The following IFT81 variants were observed in gnomAD, a reference collection of about 807,000 sequenced individuals.
IFT81 encodes the protein intraflagellar transport protein 81 homolog.
IFT81 carries 72 observed loss-of-function variants against 102.6 expected under a neutral mutation model. The ratio of observed to expected loss-of-function variants is 0.70; its 90% confidence interval spans 0.58 to 0.85. The LOEUF (loss-of-function observed/expected upper bound fraction) is 0.85, where lower values mean the gene tolerates loss of function less well. Ranked by LOEUF, IFT81 falls within the 40% of genes least tolerant of loss-of-function variation. The probability of loss-of-function intolerance (pLI) is 0.00; values close to 1 mark genes in which losing one functional copy is unlikely to be tolerated. For synonymous variants in IFT81, 237 were observed against 242.7 expected, an observed-to-expected ratio of 0.98 and a Z score of 0.22; for missense variants, 723 against 787.3, an observed-to-expected ratio of 0.92 and a Z score of 0.98.
chr12:110,149,913 G>A (rs1037830102), intron 10 of IFT81, among the ~76,000 whole-genome samples: 9 of 152,164 alleles, frequency 5.9e-5, no homozygotes, highest in Non-Finnish European at 1.3e-4. Context: ...GGGTGGTCTC[G>A]GGAAATGCAA....
In IFT81 at chr12:110,218,438, G is replaced by A; in HGVS notation, c.*212G>A. ...GGCTTTTATTCTTTTCCATAGTTTA[G>A]ACATCACTGGCGTCTTCTGAGTTTT... On this transcript the variant is annotated 3_prime_UTR_variant, in exon 19 of 19. Transcript: ENST00000242591. The A allele has an allele frequency of 2.6e-6, 1 of 380,136 alleles. No homozygotes were observed. The highest frequency in any genetic ancestry group is 4.6e-6 in the Non-Finnish European group (1 of 215,382). 23.5% of individuals were successfully genotyped at this position (380,136 alleles called of 1,614,324 possible).
intron 10 of IFT81, among the ~76,000 whole-genome samples, chr12:110,149,010 T>C (rs554755322): frequency 6.6e-6 from 1 of 152,344 alleles, no homozygotes; most frequent in East Asian, 1.9e-4. Context: ...TTATAAGTTT[T>C]AAACAGTATC....
chr12:110,150,154 G>A (rs927374128), intron 10 of IFT81, among the ~76,000 whole-genome samples: 3 of 151,368 alleles, frequency 2.0e-5, no homozygotes, highest in African/African-American at 4.9e-5. Context: ...TCACCCAGCC[G>A]GGAGTGCAAT....
chr12:110,134,796 A>G, intron 5 of IFT81, 152 bp from the exon 6 acceptor site: 1 of 599,696 alleles, frequency 1.7e-6, no homozygotes. Flanking sequence ...GGGGAAAAAT[A>G]GAAATGACCT....
intron 4 of IFT81, among the ~76,000 whole-genome samples, chr12:110,131,377 C>G (rs557653525): frequency 6.6e-6 from 1 of 151,854 alleles, no homozygotes; most frequent in East Asian, 1.9e-4. Flanking sequence ...GACAGAGTCT[C>G]GCTTTGTCAC....
intron 8 of IFT81, among the ~76,000 whole-genome samples, chr12:110,142,754 G>A (rs927438406): frequency 2.0e-5 from 3 of 151,844 alleles, no homozygotes; most frequent in Admixed American, 6.6e-5. Context: ...TTACCTAGGC[G>A]TGGTGATGTA....
rs185885143 is a variant in IFT81 at position 110,210,564 on chromosome 12, C to A, written c.1848+1348C>A. On this transcript the variant is annotated intron_variant, in intron 18 of 18. Coordinates refer to ENST00000242591, the MANE Select transcript of IFT81 (RefSeq NM_014055.4). Reference sequence around the variant, plus strand: ...GATCAGCCTGGGCAACATGGCAAGACCCCATCTCTACAAAAAATACAAAAA... The same window carrying A: ...GATCAGCCTGGGCAACATGGCAAGAACCCATCTCTACAAAAAATACAAAAA... Among the ~76,000 whole-genome samples the A allele has an allele frequency of 1.6e-4, 24 of 151,716 alleles. No homozygotes were observed. In the East Asian group the frequency reaches 3.3e-3, roughly 21 times the overall value.
intron 8 of IFT81, among the ~76,000 whole-genome samples, chr12:110,142,910 T>TA (rs1289696533): frequency 6.6e-6 from 1 of 151,328 alleles, no homozygotes; most frequent in Non-Finnish European, 1.5e-5. Context: ...CTCAAAAAAA[T>TA]AAAAAATACA....
rs779114506 is a variant in IFT81 at position 110,147,734 on chromosome 12, A to G, written c.1041+686A>G. On this transcript the variant is annotated intron_variant, in intron 10 of 18. Coordinates refer to ENST00000242591, the MANE Select transcript of IFT81 (RefSeq NM_014055.4). The stretch of plus-strand genomic sequence containing the variant: ...GAGGCAAATTGTTCAATAAACCCTC[A>G]TGTGTCCCTGAGCTACAGGGCTCAT... Among the ~76,000 whole-genome samples, 8 of 152,220 alleles carry G rather than the reference A, an allele frequency of 5.3e-5. No homozygotes were observed. In the East Asian group the frequency reaches 1.5e-3, roughly 29 times the overall value.
At chr12:110,211,817 G>C (rs967690183) in intron 18 of IFT81, among the ~76,000 whole-genome samples, 4 of 151,826 alleles carry the variant, frequency 2.6e-5, no homozygotes, top group African/African-American at 9.7e-5. Context: ...TTCTTACTAG[G>C]TTTTCTAAGT....
intron 8 of IFT81, among the ~76,000 whole-genome samples, chr12:110,140,483 G>T (rs1237362615): frequency 2.0e-5 from 3 of 152,062 alleles, no homozygotes; most frequent in African/African-American, 7.2e-5. Context: ...GTTTATATTT[G>T]CTAGAATTAG....
chr12:110,192,305 A>G (rs1191408272), intron 13 of IFT81, among the ~76,000 whole-genome samples: 2 of 152,208 alleles, frequency 1.3e-5, no homozygotes, highest in East Asian at 3.8e-4. Context: ...TTATATGCCT[A>G]CATAAATAAT....
In IFT81 at chr12:110,203,064, A is replaced by G. The variant is rs138185479; in HGVS notation, c.1558-800A>G. Reference sequence around the variant, plus strand: ...GTGGATCACCTGAGATCAGGAGTTCAAGACCAGCCTGACCAACATAGTGAA... The same window carrying G: ...GTGGATCACCTGAGATCAGGAGTTCGAGACCAGCCTGACCAACATAGTGAA... On this transcript the variant is annotated intron_variant, in intron 14 of 18. Coordinates refer to ENST00000242591, the MANE Select transcript of IFT81 (RefSeq NM_014055.4). Among the ~76,000 whole-genome samples, 185 of 152,072 alleles carry G rather than the reference A, an allele frequency of 1.2e-3. 1 individual carries two copies. Among genetic ancestry groups the G allele is most frequent in the Middle Eastern group, 6.8e-3 (2 of 294 alleles).
chr12:110,143,304 C>A, intron 8 of IFT81, 78 bp from the exon 9 acceptor site: 1 of 859,034 alleles, frequency 1.2e-6, no homozygotes, highest in Non-Finnish European at 1.6e-6. Context: ...GTATCCAGGT[C>A]TTATATTTAA....
chr12:110,186,661 G>A lies in IFT81; in HGVS notation c.1339-4259G>A, dbSNP rs149597883. On this transcript the variant is annotated intron_variant, in intron 12 of 18. Transcript: ENST00000242591. ...CCTAAGCAGCTGGGACCACAGGCCC[G>A]AGCCACCATGCTCAGCCATTTTGTG... Among the ~76,000 whole-genome samples, 602 of 151,860 alleles carry A rather than the reference G, an allele frequency of 4.0e-3. 5 individuals are homozygous for A. The highest frequency in any genetic ancestry group is 6.5e-3 in the Non-Finnish European group (441 of 67,886).
intron 11 of IFT81, among the ~76,000 whole-genome samples, chr12:110,176,267 A>G (rs1007242083): frequency 6.6e-6 from 1 of 151,874 alleles, no homozygotes; most frequent in African/African-American, 2.4e-5. Flanking sequence ...ATTTCCCAGT[A>G]TCTTTGACCT....
intron 12 of IFT81, among the ~76,000 whole-genome samples, chr12:110,184,738 C>T (rs55929416): frequency 0.17 from 25,599 of 152,118 alleles, 3,347 homozygotes; most frequent in African/African-American, 0.37. Context: ...TTTGGTCAGG[C>T]TGATGGAGAG....
intron 4 of IFT81, among the ~76,000 whole-genome samples, chr12:110,130,964 A>T (rs1167712390): frequency 6.6e-6 from 1 of 152,106 alleles, no homozygotes; most frequent in Non-Finnish European, 1.5e-5. Flanking sequence ...AATCAAGAAA[A>T]ATATTATTCT....
chr12:110,170,099 C>T (rs1222893733), intron 11 of IFT81, among the ~76,000 whole-genome samples: 3 of 152,110 alleles, frequency 2.0e-5, no homozygotes, highest in East Asian at 3.9e-4. Flanking sequence ...ACTACAGGTG[C>T]CCGCCACCAT....
Sources: gnomAD v4.1 joint callset for allele counts (sites outside exome capture counted in the v4.1 genomes callset) on GRCh38, gnomAD v4.1.1 for gene constraint, MANE v1.5 for transcripts, NCBI Gene and HGNC (gene_info 2026-07-23, HGNC 2026-07-21) for gene names.